DLGAP2: variants seen among roughly 807,000 people sequenced by gnomAD.
The protein encoded by DLGAP2 is disks large-associated protein 2.
In DLGAP2, 26 loss-of-function variants were observed where a neutral mutation model predicts 100.3. The observed-to-expected ratio is 0.26, with a 90% CI of 0.19 to 0.36. DLGAP2 has a LOEUF of 0.36. Among genes scored for constraint, DLGAP2 ranks in the 10% least tolerant of loss-of-function variants. The pLI is 1.00. For missense variants in DLGAP2, 1,858 were observed against 1,453.2 expected, an observed-to-expected ratio of 1.28 and a Z score of -4.53; for synonymous variants, 886 against 630.1, an observed-to-expected ratio of 1.41 and a Z score of -6.08.
At chr8:1,554,538 A>G (rs1801891265) in intron 5 of DLGAP2, among the ~76,000 whole-genome samples, 1 of 150,936 alleles carries the variant, frequency 6.6e-6, no homozygotes. Flanking sequence ...CTCCACCTTG[A>G]CCTTTATTGA....
In DLGAP2 at chr8:1,228,256, A is replaced by G. The variant is rs188781233; in HGVS notation, c.74-30595A>G. 1.7e-4 allele frequency among the ~76,000 whole-genome samples: 26 copies of G among 152,272 alleles called. 1 individual carries two copies. The highest frequency in any genetic ancestry group is 6.0e-4 in the African/African-American group (25 of 41,564). The stretch of plus-strand genomic sequence containing the variant: ...ATAAAAATAAAAAAATACATAAATA[A>G]AACTTTAAAAAAAGGAAATCTGAAA... On this transcript the variant is annotated intron_variant, in intron 2 of 14. Coordinates refer to ENST00000637795, the MANE Select transcript of DLGAP2 (RefSeq NM_001346810.2).
chr8:1,603,752 C>G (rs1452517250), intron 6 of DLGAP2, among the ~76,000 whole-genome samples: 1 of 152,190 alleles, frequency 6.6e-6, no homozygotes, highest in African/African-American at 2.4e-5. Flanking sequence ...GTATTTCTGT[C>G]TCAGGGATTA....
intron 1 of DLGAP2, among the ~76,000 whole-genome samples, chr8:901,894 C>T (rs936262257): frequency 9.2e-5 from 14 of 152,176 alleles, no homozygotes; most frequent in Admixed American, 8.5e-4. Flanking sequence ...TCCAGGGCTT[C>T]GCTGGACATC....
intron 3 of DLGAP2, among the ~76,000 whole-genome samples, chr8:1,330,419 G>A (rs1193276112): frequency 2.0e-5 from 3 of 146,634 alleles, no homozygotes; most frequent in African/African-American, 2.5e-5. Context: ...TGGGAGCACC[G>A]CTTCGCGGGG....
At position 973,383 on chromosome 8, in the gene DLGAP2, C is replaced by T. The variant is rs561519904; in HGVS notation, c.73+65417C>T. Among the ~76,000 whole-genome samples, 675 of 152,068 alleles carry T rather than the reference C, an allele frequency of 4.4e-3. 5 individuals are homozygous for T. Among genetic ancestry groups the T allele is most frequent in the African/African-American group, 0.015 (640 of 41,490 alleles). Reference sequence around the variant, plus strand: ...GGGTGGCTGCCGGGCGGAGGGGCTCCTCACTTCTCAGACGGGGCGGCCGGG... The same window carrying T: ...GGGTGGCTGCCGGGCGGAGGGGCTCTTCACTTCTCAGACGGGGCGGCCGGG... On this transcript the variant is annotated intron_variant, in intron 2 of 14. Coordinates refer to ENST00000637795, the MANE Select transcript of DLGAP2 (RefSeq NM_001346810.2).
intron 2 of DLGAP2, among the ~76,000 whole-genome samples, chr8:1,232,298 T>C (rs1424490289): frequency 6.6e-6 from 1 of 152,240 alleles, no homozygotes; most frequent in Non-Finnish European, 1.5e-5. Flanking sequence ...GCTTTGCTGT[T>C]TGGACCTGAG....
chr8:1,079,014 C>G (rs1270550103), intron 2 of DLGAP2, among the ~76,000 whole-genome samples: 2 of 152,202 alleles, frequency 1.3e-5, no homozygotes, highest in Non-Finnish European at 2.9e-5. Context: ...ATTTTGTACT[C>G]CCACCAGCAG....
chr8:1,091,737 G>A (rs533640149), intron 2 of DLGAP2, among the ~76,000 whole-genome samples: 47 of 152,172 alleles, frequency 3.1e-4, no homozygotes, highest in African/African-American at 9.2e-4. Flanking sequence ...CGTGTCTCCC[G>A]TGGAAGCTGC....
chr8:1,225,485 A>G (rs1406909466), intron 2 of DLGAP2, among the ~76,000 whole-genome samples: 3 of 152,198 alleles, frequency 2.0e-5, no homozygotes, highest in African/African-American at 7.2e-5. Flanking sequence ...CTGATGAAAA[A>G]CGTCTTGAAA....
At chr8:1,676,107 G>A (rs999303197) in intron 10 of DLGAP2, among the ~76,000 whole-genome samples, 8 of 152,210 alleles carry the variant, frequency 5.3e-5, no homozygotes, top group South Asian at 4.1e-4. Context: ...CTTTCTGTAC[G>A]TGGATGCAGC....
At chr8:995,832 G>T (rs1341355592) in intron 2 of DLGAP2, among the ~76,000 whole-genome samples, 1 of 152,194 alleles carries the variant, frequency 6.6e-6, no homozygotes, top group Admixed American at 6.5e-5. Flanking sequence ...TAGAGACTTG[G>T]GGAAGTGAGA....
At chr8:1,537,892 A>G (rs189082529) in intron 4 of DLGAP2, among the ~76,000 whole-genome samples, 9 of 152,366 alleles carry the variant, frequency 5.9e-5, no homozygotes, top group Non-Finnish European at 1.2e-4. Context: ...GAGTTTAAGA[A>G]GATGCTCATA....
chr8:840,283 G>C (rs1425902911), intron 1 of DLGAP2, among the ~76,000 whole-genome samples: 1 of 22,636 alleles, frequency 4.4e-5, no homozygotes. Context: ...CCCACACTCT[G>C]GATTCTGCGA....
chr8:776,636 C>G (rs1821526307), intron 1 of DLGAP2, among the ~76,000 whole-genome samples: 1 of 152,186 alleles, frequency 6.6e-6, no homozygotes, highest in African/African-American at 2.4e-5. Flanking sequence ...GCAGGTTGTT[C>G]AGTTTCCATG....
intron 1 of DLGAP2, among the ~76,000 whole-genome samples, chr8:902,359 G>A (rs1321694669): frequency 2.6e-5 from 4 of 151,168 alleles, no homozygotes; most frequent in African/African-American, 9.7e-5. Flanking sequence ...GGGCGCGGGG[G>A]CTGGGGGGGC....
intron 5 of DLGAP2, among the ~76,000 whole-genome samples, chr8:1,552,334 C>A (rs1278193977): frequency 6.6e-6 from 1 of 152,244 alleles, no homozygotes; most frequent in African/African-American, 2.4e-5. Flanking sequence ...ATCCCCACAT[C>A]CGCCTCCCAG....
chr8:985,954 T>C (rs1800474907), intron 2 of DLGAP2, among the ~76,000 whole-genome samples: 1 of 152,146 alleles, frequency 6.6e-6, no homozygotes, highest in Admixed American at 6.5e-5. Flanking sequence ...GAATAAAAAC[T>C]TCCTGAAGAA....
intron 2 of DLGAP2, among the ~76,000 whole-genome samples, chr8:1,142,066 G>A (rs10097705): frequency 1.3e-5 from 2 of 148,348 alleles, no homozygotes; most frequent in East Asian, 2.2e-4. Context: ...TTCTGCCTAC[G>A]TATATAAGTT....
At chr8:1,008,184 AGG>A (rs1801176073) in intron 2 of DLGAP2, among the ~76,000 whole-genome samples, 2 of 152,274 alleles carry the variant, frequency 1.3e-5, no homozygotes, top group Admixed American at 1.3e-4. Flanking sequence ...GAAACATTCA[AGG>A]TCAAGATCTT....
Sources: gnomAD v4.1 joint callset for allele counts (sites outside exome capture counted in the v4.1 genomes callset) on GRCh38, gnomAD v4.1.1 for gene constraint, MANE v1.5 for transcripts, NCBI Gene and HGNC (gene_info 2026-07-23, HGNC 2026-07-21) for gene names.